The following TRPC4 variants were observed in gnomAD, a reference collection of about 807,000 sequenced individuals.
TRPC4 encodes the protein short transient receptor potential channel 4.
Under a neutral mutation model 99.4 loss-of-function variants are expected in TRPC4, and 49 were observed. That is an observed-to-expected ratio of 0.49 (90% CI 0.39 to 0.63). TRPC4 has a LOEUF of 0.63. TRPC4 is among the 20% of genes least tolerant of loss of function. The pLI, the probability that TRPC4 is intolerant of heterozygous loss-of-function variation, is 0.00. For missense variants in TRPC4, 898 were observed against 1,152.9 expected (o/e 0.78, Z 3.20); for synonymous variants, 454 against 425.9 (o/e 1.07, Z -0.81).
At chr13:37,758,452 A>G (rs1006155251) in intron 2 of TRPC4, among the ~76,000 whole-genome samples, 4 of 151,802 alleles carry the variant, frequency 2.6e-5, no homozygotes, top group Non-Finnish European at 5.9e-5. Context: ...CAAAACTCAC[A>G]ATAAAGAGTG....
chr13:37,644,872 CAAAAAA>C (rs11446579), intron 8 of TRPC4, among the ~76,000 whole-genome samples: 5 of 81,502 alleles, frequency 6.1e-5, no homozygotes, highest in Non-Finnish European at 8.7e-5. Flanking sequence ...GACTCCATCT[CAAAAAA>C]AAAAAAAAAA....
chr13:37,823,745 G>A (rs1261217741), intron 1 of TRPC4, among the ~76,000 whole-genome samples: 1 of 143,618 alleles, frequency 7.0e-6, no homozygotes, highest in Non-Finnish European at 1.5e-5. Flanking sequence ...GGATTGACTT[G>A]GCGATGCGGG....
At chr13:37,682,201 A>G (rs1022689010) in intron 4 of TRPC4, among the ~76,000 whole-genome samples, 2 of 152,182 alleles carry the variant, frequency 1.3e-5, no homozygotes, top group Non-Finnish European at 2.9e-5. Flanking sequence ...GGCAACCTCC[A>G]GGGGTCTCTT....
At chr13:37,674,178 T>C in intron 5 of TRPC4, 50 bp downstream of exon 5, 1 of 1,461,266 alleles carries the variant, frequency 6.8e-7, no homozygotes, top group Non-Finnish European at 9.1e-7. Flanking sequence ...TGAAAGTATA[T>C]CATTAATAAT....
At chr13:37,658,537 A>T (rs1342370171) in intron 6 of TRPC4, among the ~76,000 whole-genome samples, 2 of 152,210 alleles carry the variant, frequency 1.3e-5, no homozygotes, top group Non-Finnish European at 2.9e-5. Context: ...TTATAAGCAA[A>T]AATGAAATAT....
chr13:37,850,423 GTTGT>G (rs1302033924), intron 1 of TRPC4, among the ~76,000 whole-genome samples: 1 of 152,104 alleles, frequency 6.6e-6, no homozygotes, highest in African/African-American at 2.4e-5. Context: ...GATTTAAATG[GTTGT>G]TTAATTCCTG....
intron 3 of TRPC4, among the ~76,000 whole-genome samples, chr13:37,710,404 A>G (rs952429076): frequency 6.6e-6 from 1 of 151,686 alleles, no homozygotes; most frequent in African/African-American, 2.4e-5. Context: ...TTTGGTTGCT[A>G]CTCCTTCCTT....
intron 3 of TRPC4, among the ~76,000 whole-genome samples, chr13:37,728,408 G>A (rs934281311): frequency 2.0e-5 from 3 of 151,528 alleles, no homozygotes; most frequent in Non-Finnish European, 2.9e-5. Flanking sequence ...AATTTTAAAA[G>A]GAAATTAAGG....
At chr13:37,815,251 T>G (rs1390224630) in intron 1 of TRPC4, among the ~76,000 whole-genome samples, 1 of 151,752 alleles carries the variant, frequency 6.6e-6, no homozygotes, top group African/African-American at 2.4e-5. Context: ...ACTGATACAA[T>G]CAAACCTGCA....
chr13:37,675,650 C>G (rs1268852404), intron 4 of TRPC4, among the ~76,000 whole-genome samples: 1 of 152,182 alleles, frequency 6.6e-6, no homozygotes, highest in Non-Finnish European at 1.5e-5. Flanking sequence ...AGAAAGCACT[C>G]CTGAGCCTCA....
At chr13:37,687,244 T>G (rs1424570089) in intron 4 of TRPC4, among the ~76,000 whole-genome samples, 1 of 152,196 alleles carries the variant, frequency 6.6e-6, no homozygotes, top group Non-Finnish European at 1.5e-5. Context: ...ATTATAGGTG[T>G]GAGCCACCAC....
intron 5 of TRPC4, among the ~76,000 whole-genome samples, chr13:37,670,230 A>G (rs889718772): frequency 1.3e-5 from 2 of 152,226 alleles, no homozygotes; most frequent in Non-Finnish European, 2.9e-5. Context: ...CTATTGTGAC[A>G]AGCCGAGGTG....
chr13:37,834,546 A>G (rs1461091003), intron 1 of TRPC4, among the ~76,000 whole-genome samples: 2 of 152,182 alleles, frequency 1.3e-5, no homozygotes, highest in Non-Finnish European at 2.9e-5. Context: ...TTCCTCATAA[A>G]TTCCCAACTA....
At chr13:37,678,336 T>C (rs1413689748) in intron 4 of TRPC4, among the ~76,000 whole-genome samples, 1 of 151,958 alleles carries the variant, frequency 6.6e-6, no homozygotes, top group East Asian at 1.9e-4. Flanking sequence ...TCTAGTTTTC[T>C]TAAGTGGTCA....
Position 37,637,114 on chromosome 13 carries a change from A to G in TRPC4, c.2723T>C (p.Leu908Ser), listed in dbSNP as rs1226285695. The G allele has an allele frequency of 1.2e-6, 2 of 1,613,770 alleles. No homozygotes were observed. The highest frequency in any genetic ancestry group is 1.7e-4 in the Middle Eastern group (1 of 6,060). Residue 908 changes from leucine (L) to serine (S), a missense_variant, in exon 11 of 11, where the codon TTA (leucine) becomes TCA (serine). Transcript: ENST00000379705. Reference protein sequence around the residue: ...SIPGLSEQCVLVDHRERNTDT... With the variant: ...SIPGLSEQCVSVDHRERNTDT... Reference sequence around the variant, plus strand: ...CGTATTCCTTTCTCTATGGTCTACTAACACACATTGTTCACTGAGACCGGG... The same window carrying G: ...CGTATTCCTTTCTCTATGGTCTACTGACACACATTGTTCACTGAGACCGGG...
intron 8 of TRPC4, among the ~76,000 whole-genome samples, chr13:37,644,365 G>A (rs867516997): frequency 1.3e-5 from 2 of 152,084 alleles, no homozygotes; most frequent in Middle Eastern, 3.4e-3. Context: ...ATACCTAAGT[G>A]GGTATTTAGC....
At chr13:37,777,049 T>C (rs969824022) in intron 2 of TRPC4, among the ~76,000 whole-genome samples, 1 of 151,966 alleles carries the variant, frequency 6.6e-6, no homozygotes, top group Admixed American at 6.6e-5. Context: ...AAGACACAAT[T>C]GTATTAACAA....
chr13:37,638,306 T>C (rs1593407015), intron 10 of TRPC4, among the ~76,000 whole-genome samples: 1 of 152,152 alleles, frequency 6.6e-6, no homozygotes, highest in Non-Finnish European at 1.5e-5. Flanking sequence ...TTTATGGCTG[T>C]GAAGAAAATC....
chr13:37,691,937 G>A, intron 4 of TRPC4, 62 bp downstream of exon 4: 2 of 1,469,626 alleles, frequency 1.4e-6, no homozygotes, highest in Non-Finnish European at 1.9e-6. Flanking sequence ...AATATTTTCT[G>A]AGCAACGAAA....
Sources: allele counts gnomAD v4.1 joint callset (sites outside exome capture counted in the v4.1 genomes callset), GRCh38; gene constraint gnomAD v4.1.1; transcripts MANE v1.5; gene names NCBI Gene and HGNC (gene_info 2026-07-23, HGNC 2026-07-21).